Variants in ELAPOR1 observed in about 807,000 individuals in gnomAD.
ELAPOR1 encodes the protein endosome/lysosome-associated apoptosis and autophagy regulator 1.
In ELAPOR1, 77 loss-of-function variants were observed where a neutral mutation model predicts 119.7. The ratio of observed to expected loss-of-function variants is 0.64; its 90% CI spans 0.54 to 0.78. The LOEUF (loss-of-function observed/expected upper bound fraction) is 0.78. Among genes scored for constraint, ELAPOR1 ranks in the 30% least tolerant of loss-of-function variants. ELAPOR1 has a pLI of 0.00. For missense variants in ELAPOR1, 1,115 were observed against 1,270.4 expected (o/e 0.88, Z 1.86); for synonymous variants, 481 against 487.2 (o/e 0.99, Z 0.17).
intron 3 of ELAPOR1, among the ~76,000 whole-genome samples, chr1:109,166,494 T>A (rs1261186628): frequency 1.3e-5 from 2 of 152,252 alleles, no homozygotes; most frequent in Admixed American, 6.5e-5. Flanking sequence ...TTCAGATATG[T>A]CTTTTGTAGG....
chr1:109,200,867 A>G lies in ELAPOR1; in HGVS notation c.2940A>G (p.Ser980=), dbSNP rs769551081. ...EDDLIFTSKK[S]LFGKIKSFTS... is the part of the protein sequence containing the mutation. ...ACCTCATCTTTACCAGCAAGAAGTC[A>G]CTCTTTGGGAAGATCAAATCATTTA... Residue 980 remains serine, a synonymous_variant, in exon 21 of 22, where the codon TCA becomes TCG. Coordinates refer to ENST00000369939, the MANE Select transcript of ELAPOR1 (RefSeq NM_020775.5). The G allele has an allele frequency of 6.2e-7, 1 of 1,614,096 alleles. No homozygotes were observed. The highest frequency in any genetic ancestry group is 8.5e-7 in the Non-Finnish European group (1 of 1,180,006).
At chr1:109,173,299 G>C (rs1652039240) in intron 5 of ELAPOR1, among the ~76,000 whole-genome samples, 175 bp from the exon 6 acceptor site, 1 of 152,094 alleles carries the variant, frequency 6.6e-6, no homozygotes, top group Admixed American at 6.6e-5. Context: ...CTTAGAAAGA[G>C]AGAGGAGCTG....
chr1:109,183,594 T>TTCCCTCCTTCCC (rs748531929), intron 7 of ELAPOR1, among the ~76,000 whole-genome samples: 1 of 122,998 alleles, frequency 8.1e-6, no homozygotes, highest in East Asian at 2.6e-4. Flanking sequence ...CCTTCCTTCC[T>TTCCCTCCTTCCC]TCCTTCCTTC....
At chr1:109,134,666 T>G (rs1475809924) in intron 1 of ELAPOR1, among the ~76,000 whole-genome samples, 6 of 152,158 alleles carry the variant, frequency 3.9e-5, no homozygotes, top group Non-Finnish European at 8.8e-5. Flanking sequence ...CCTGCTTGTG[T>G]AGATAAAGCC....
At chr1:109,157,004 T>C (rs1320750520) in intron 1 of ELAPOR1, among the ~76,000 whole-genome samples, 2 of 152,228 alleles carry the variant, frequency 1.3e-5, no homozygotes, top group African/African-American at 4.8e-5. Context: ...ATGTCTTTGT[T>C]GAACCTCCAA....
rs1477414578 is a variant in ELAPOR1 at position 109,114,448 on chromosome 1, C to A, written c.153+112C>A. 3 of 1,307,014 alleles carry A rather than the reference C, an allele frequency of 2.3e-6. 1 individual carries two copies. Among genetic ancestry groups the A allele is most frequent in the Middle Eastern group, 4.0e-4 (2 of 5,006 alleles). The allele number at this position is 1,307,014 out of a possible 1,614,324, so 81.0% of individuals were successfully genotyped here. On this transcript the variant is annotated intron_variant, in intron 1 of 21. Transcript: ENST00000369939. ...TTCAGACGCCACGGAGTTTAGATTT[C>A]TTTGGGGATGAGGCGTGGGGGGAGG... is the stretch of plus-strand genomic sequence containing the variant.
intron 3 of ELAPOR1, among the ~76,000 whole-genome samples, chr1:109,167,756 C>T (rs192602373): frequency 2.0e-5 from 3 of 152,268 alleles, no homozygotes; most frequent in African/African-American, 7.2e-5. Context: ...ACTGCAGGCT[C>T]ATGCCACCAC....
At position 109,185,224 on chromosome 1, in the gene ELAPOR1, T is replaced by A. The variant is rs77573281; in HGVS notation, c.1041+91T>A. The A allele has an allele frequency of 1.7e-3, 1,694 of 993,166 alleles. 22 individuals are homozygous for A. The African/African-American group carries it at 0.024, about 14-fold the overall frequency. The allele number at this position is 993,166 out of a possible 1,614,324, so 61.5% of individuals were successfully genotyped here. A position where few individuals can be genotyped will look rare whatever the true frequency, so the allele number is the denominator to read the frequency against. ...CACCATTTGGAACTTCAGCAGTCAATGACATTGGCACTAGTTAAAACCCCA... is the reference window on the plus strand; with the variant it reads ...CACCATTTGGAACTTCAGCAGTCAAAGACATTGGCACTAGTTAAAACCCCA... On this transcript the variant is annotated intron_variant, in intron 8 of 21. Transcript: ENST00000369939.
rs140355344 is a variant in ELAPOR1, at chr1:109,137,823, C to T, written c.153+23487C>T. On this transcript the variant is annotated intron_variant, in intron 1 of 21. Coordinates refer to ENST00000369939, the MANE Select transcript of ELAPOR1 (RefSeq NM_020775.5). ...GATTACAGGCGTGAGCCACCGCGCC[C>T]GGCCTAAATTTATTTATTTTTTAAC... is the stretch of plus-strand genomic sequence containing the variant. Among the ~76,000 whole-genome samples the T allele has an allele frequency of 1.7e-3, 258 of 152,296 alleles. 5 individuals are homozygous for T. The South Asian group carries it at 0.028, about 16-fold the overall frequency.
intron 1 of ELAPOR1, among the ~76,000 whole-genome samples, chr1:109,155,189 T>A (rs979625156): frequency 6.6e-6 from 1 of 152,130 alleles, no homozygotes; most frequent in East Asian, 1.9e-4. Flanking sequence ...ATATATATAT[T>A]TTTTTGAGAC....
At chr1:109,138,153 C>G (rs1006048635) in intron 1 of ELAPOR1, among the ~76,000 whole-genome samples, 4 of 137,810 alleles carry the variant, frequency 2.9e-5, no homozygotes, top group Non-Finnish European at 6.4e-5. Context: ...TAAGCAAGAG[C>G]CTGGCTTCTG....
rs1653449171 is a variant in ELAPOR1, at chr1:109,191,726, G to T, written c.1546G>T (p.Gly516Cys). ...CTTCACTTGTCTGTCCTGGGTTCAG[G>T]GTGTGAATTCTAGGACCAACACTCC... is the stretch of plus-strand genomic sequence containing the variant. ...SVNCELYFMV[G>C]VNSRTNTPVE... The change falls in exon 13 of 22, where the codon GGT (glycine) becomes TGT (cysteine). Residue 516 changes from glycine to cysteine, a missense_variant and splice_region_variant. Transcript: ENST00000369939. The T allele has an allele frequency of 6.2e-7, 1 of 1,614,050 alleles. No individual in the cohort carries two copies. Among genetic ancestry groups the T allele is most frequent in the Non-Finnish European group, 8.5e-7 (1 of 1,180,020 alleles).
chr1:109,188,971 C>T lies in ELAPOR1; in HGVS notation c.1220-95C>T, dbSNP rs1261170148. The T allele has an allele frequency of 2.2e-5, 32 of 1,474,688 alleles. No individual in the cohort carries two copies. The Admixed American group carries it at 3.0e-4, about 14-fold the overall frequency. 91.4% of individuals were successfully genotyped at this position (1,474,688 alleles called of 1,614,324 possible). A position where few individuals can be genotyped will look rare whatever the true frequency, so the allele number is the denominator to read the frequency against. On this transcript the variant is annotated intron_variant, in intron 9 of 21. Transcript: ENST00000369939. The stretch of plus-strand genomic sequence containing the variant: ...TCAGCAGCCAGGCTTCTGGGCTGCC[C>T]GCTACTGTTGCAACTTGTCTGTGTG...
At chr1:109,176,505 C>A (rs189294652) in intron 7 of ELAPOR1, among the ~76,000 whole-genome samples, 1 of 152,270 alleles carries the variant, frequency 6.6e-6, no homozygotes, top group East Asian at 1.9e-4. Context: ...CCAAGACCAG[C>A]CACTGACCTT....
At chr1:109,135,023 C>G (rs538518015) in intron 1 of ELAPOR1, among the ~76,000 whole-genome samples, 4 of 152,276 alleles carry the variant, frequency 2.6e-5, no homozygotes, top group African/African-American at 9.6e-5. Flanking sequence ...GGAAATCTGG[C>G]AACTACGCAG....
In ELAPOR1 at chr1:109,194,580, C is replaced by T; in HGVS notation, c.2107C>T (p.Leu703Phe). 6.2e-7 allele frequency: 1 copy of T among 1,613,904 alleles called. No individual in the cohort carries two copies. Among genetic ancestry groups the T allele is most frequent in the Admixed American group, 1.7e-5 (1 of 60,026 alleles). The change falls in exon 15 of 22, where the codon CTC becomes TTC. Residue 703 changes from leucine to phenylalanine, a missense_variant. Transcript: ENST00000369939. ...LKYFHHFTLS[L>F]CGNQGRKMSV... ...ATACTTCCATCACTTTACCCTCAGT[C>T]TCTGTGGAAACCAGGTAAGGTATAC...
rs368940251 is a variant in ELAPOR1 at position 109,180,785 on chromosome 1, C to T, written c.953-4260C>T. Reference sequence around the variant, plus strand: ...TTTGAGACCAGTCTGGGTAATAGAACAAGACTCCTGTCTCTACAAAAATAA... The same window carrying T: ...TTTGAGACCAGTCTGGGTAATAGAATAAGACTCCTGTCTCTACAAAAATAA... On this transcript the variant is annotated intron_variant, in intron 7 of 21. Transcript: ENST00000369939. Among the ~76,000 whole-genome samples, 157 of 152,090 alleles carry T rather than the reference C, an allele frequency of 1.0e-3. 2 individuals carry two copies. The South Asian group carries it at 0.032, about 31-fold the overall frequency.
At chr1:109,131,486 G>T (rs769810018) in intron 1 of ELAPOR1, among the ~76,000 whole-genome samples, 4 of 152,050 alleles carry the variant, frequency 2.6e-5, no homozygotes, top group Non-Finnish European at 5.9e-5. Flanking sequence ...GGCAGTGGAC[G>T]TTCTTAAATC....
intron 1 of ELAPOR1, among the ~76,000 whole-genome samples, chr1:109,156,386 GA>G (rs1423654926): frequency 6.6e-6 from 1 of 152,122 alleles, no homozygotes; most frequent in Non-Finnish European, 1.5e-5. Flanking sequence ...TCAGTGGCAT[GA>G]AGTACATTCA....
Sources: gnomAD v4.1 joint callset for allele counts (sites outside exome capture counted in the v4.1 genomes callset) on GRCh38, gnomAD v4.1.1 for gene constraint, MANE v1.5 for transcripts, NCBI Gene and HGNC (gene_info 2026-07-23, HGNC 2026-07-21) for gene names.